The following CEP70 variants were observed in gnomAD, a reference collection of about 807,000 sequenced individuals.
CEP70 encodes the protein centrosomal protein 70.
In CEP70, 70 loss-of-function variants were observed where a neutral mutation model predicts 90.9. The ratio of observed to expected loss-of-function variants is 0.77; its 90% CI spans 0.64 to 0.94. The LOEUF is 0.94. Among genes scored for constraint, CEP70 ranks in the 40% least tolerant of loss-of-function variants. The probability of loss-of-function intolerance (pLI) is 0.00; values close to 1 mark genes in which losing one functional copy is unlikely to be tolerated. For missense variants in CEP70, 648 were observed against 669.0 expected, an observed-to-expected ratio of 0.97 and a Z score of 0.35; for synonymous variants, 220 against 228.3, an observed-to-expected ratio of 0.96 and a Z score of 0.33.
chr3:138,527,266 A>G (rs541706298), intron 10 of CEP70, among the ~76,000 whole-genome samples: 3 of 100,048 alleles, frequency 3.0e-5, no homozygotes, highest in East Asian at 5.0e-4. Context: ...CCTGGGCTCA[A>G]GTGATCTCAC....
chr3:138,535,855 C>T lies in CEP70; in HGVS notation c.635+1323G>A, dbSNP rs141716182. On this transcript the variant is annotated intron_variant, in intron 7 of 17. Coordinates refer to ENST00000264982, the MANE Select transcript of CEP70 (RefSeq NM_024491.4). ...CCTCTCTCCTTTTTGTTCTTCCTTA[C>T]CTCTCCTATTTTTCTTACCTAGCCT... Among the ~76,000 whole-genome samples the T allele has an allele frequency of 2.0e-3, 300 of 152,136 alleles. 3 individuals are homozygous for T. The highest frequency in any genetic ancestry group is 7.0e-3 in the African/African-American group (289 of 41,528).
At position 138,500,501 on chromosome 3, in the gene CEP70, C is replaced by T. The variant is rs150201771; in HGVS notation, c.1435G>A (p.Val479Met). ...GGATAGACTCCATTTAAAGAAGGCACATCAAATAACTTTTGGAAGTGAGAA... is the reference window on the plus strand; with the variant it reads ...GGATAGACTCCATTTAAAGAAGGCATATCAAATAACTTTTGGAAGTGAGAA... ...IVSHFQKLFD[V>M]PSLNGVYPRM... The change falls in exon 15 of 18, where the codon GTG becomes ATG. Residue 479 changes from valine to methionine, a missense_variant. Val to Met is a conservative substitution (Grantham distance 21). Coordinates refer to ENST00000264982, the MANE Select transcript of CEP70 (RefSeq NM_024491.4). 104 of 1,612,636 alleles carry T rather than the reference C, an allele frequency of 6.4e-5. 1 individual carries two copies. The South Asian group carries it at 7.9e-4, about 12-fold the overall frequency.
At chr3:138,553,475 A>G (rs1452013217) in intron 6 of CEP70, among the ~76,000 whole-genome samples, 1 of 147,960 alleles carries the variant, frequency 6.8e-6, no homozygotes, top group African/African-American at 2.4e-5. Flanking sequence ...GAGAGACTCC[A>G]TCTCAAAAAG....
At chr3:138,584,388 G>A (rs2042007584) in intron 2 of CEP70, among the ~76,000 whole-genome samples, 1 of 147,352 alleles carries the variant, frequency 6.8e-6, no homozygotes, top group African/African-American at 2.5e-5. Flanking sequence ...AAGAATGGAA[G>A]AGGAGGGAAT....
At chr3:138,495,839 G>A in intron 17 of CEP70, 1 of 974,438 alleles carries the variant, frequency 1.0e-6, no homozygotes, top group East Asian at 1.1e-4. Context: ...GTGACAGAGA[G>A]CAAGACTATG....
At chr3:138,530,582 G>A (rs1273669125) in intron 8 of CEP70, 1 of 985,342 alleles carries the variant, frequency 1.0e-6, no homozygotes, top group Non-Finnish European at 1.2e-6. Flanking sequence ...TTTTGCCACT[G>A]CGAGAGGCCC....
chr3:138,567,528 A>G (rs979052334), intron 6 of CEP70, among the ~76,000 whole-genome samples: 6 of 152,208 alleles, frequency 3.9e-5, no homozygotes, highest in Admixed American at 3.9e-4. Flanking sequence ...ATAAATCTGT[A>G]TAGAAATTTA....
At chr3:138,543,603 C>T (rs1168493424) in intron 6 of CEP70, among the ~76,000 whole-genome samples, 3 of 152,210 alleles carry the variant, frequency 2.0e-5, no homozygotes, top group Non-Finnish European at 4.4e-5. Flanking sequence ...ACTGGGATCA[C>T]CTGTTCCTAG....
At chr3:138,533,145 G>T (rs913313689) in intron 7 of CEP70, among the ~76,000 whole-genome samples, 8 of 152,074 alleles carry the variant, frequency 5.3e-5, no homozygotes, top group Non-Finnish European at 1.2e-4. Flanking sequence ...GCTGGGCGTC[G>T]TGGCGAGTGC....
chr3:138,586,511 T>G (rs773443), intron 2 of CEP70, among the ~76,000 whole-genome samples: 58,913 of 151,998 alleles, frequency 0.39, 12,521 homozygotes, highest in East Asian at 0.56. Flanking sequence ...AAGAATGAGC[T>G]CCTGTCATTT....
At position 138,561,249 on chromosome 3, in the gene CEP70, G is replaced by A. The variant is rs577337930; in HGVS notation, c.465+9069C>T. 5.9e-5 allele frequency among the ~76,000 whole-genome samples: 9 copies of A among 152,186 alleles called. No homozygotes were observed. In the East Asian group the frequency reaches 1.6e-3, roughly 26 times the overall value. The stretch of plus-strand genomic sequence containing the variant: ...CTCTGCTGGTGATACCCAGGCAAAC[G>A]GGGTCTGGAGTGGGCCTCCAGCAAA... On this transcript the variant is annotated intron_variant, in intron 6 of 17. Coordinates refer to ENST00000264982, the MANE Select transcript of CEP70 (RefSeq NM_024491.4).
chr3:138,547,512 C>T (rs984842022), intron 6 of CEP70, among the ~76,000 whole-genome samples: 1 of 152,160 alleles, frequency 6.6e-6, no homozygotes, highest in Non-Finnish European at 1.5e-5. Flanking sequence ...ATAGAAGATT[C>T]GTTCTCACCA....
chr3:138,518,996 T>C (rs895605796), intron 11 of CEP70, among the ~76,000 whole-genome samples: 1 of 152,088 alleles, frequency 6.6e-6, no homozygotes, highest in African/African-American at 2.4e-5. Context: ...AAGGACCTGA[T>C]GGAGCTGAAA....
chr3:138,585,397 C>G (rs12497070), intron 2 of CEP70, among the ~76,000 whole-genome samples: 68,732 of 151,800 alleles, frequency 0.45, 17,286 homozygotes, highest in Admixed American at 0.6. Context: ...TTGAAGAGGC[C>G]ACAAAAAAAT....
chr3:138,585,433 T>G (rs2042062249), intron 2 of CEP70, among the ~76,000 whole-genome samples: 1 of 152,168 alleles, frequency 6.6e-6, no homozygotes, highest in Admixed American at 6.5e-5. Flanking sequence ...GTTCATAGAT[T>G]GAAACAATCA....
chr3:138,496,337 A>C lies in CEP70; in HGVS notation c.1733-1261T>G, dbSNP rs568532632. The C allele has an allele frequency of 7.1e-6, 7 of 985,462 alleles. No individual in the cohort carries two copies. In the African/African-American group the frequency reaches 1.0e-4, roughly 15 times the overall value. The allele number at this position is 985,462 out of a possible 1,614,324, so 61.0% of individuals were successfully genotyped here. On this transcript the variant is annotated intron_variant, in intron 17 of 17. Coordinates refer to ENST00000264982, the MANE Select transcript of CEP70 (RefSeq NM_024491.4). The stretch of plus-strand genomic sequence containing the variant: ...TTAGTTCTTTTAAGCTCCCGACTTC[A>C]GTCAGAATACTTGTCTGAACCCACT...
chr3:138,591,710 C>T lies in CEP70; in HGVS notation c.-6+144G>A, dbSNP rs374211392. On this transcript the variant is annotated intron_variant, in intron 2 of 17. Transcript: ENST00000264982. ...ACCTCTCTGAGCTTCAGCTTCTTTGCTGAGTTGTAAAATATCTACCTGATA... is the reference window on the plus strand; with the variant it reads ...ACCTCTCTGAGCTTCAGCTTCTTTGTTGAGTTGTAAAATATCTACCTGATA... 5.8e-5 allele frequency: 41 copies of T among 712,240 alleles called. 1 individual carries two copies. In the African/African-American group the frequency reaches 6.9e-4, roughly 12 times the overall value. The allele number at this position is 712,240 out of a possible 1,614,324, so 44.1% of individuals were successfully genotyped here.
intron 11 of CEP70, among the ~76,000 whole-genome samples, chr3:138,517,475 G>A (rs2036143558): frequency 6.6e-6 from 1 of 152,142 alleles, no homozygotes; most frequent in Non-Finnish European, 1.5e-5. Context: ...CCACACAGTG[G>A]CTAACACAGT....
At chr3:138,586,260 C>G (rs149862130) in intron 2 of CEP70, among the ~76,000 whole-genome samples, 3 of 152,050 alleles carry the variant, frequency 2.0e-5, no homozygotes, top group Non-Finnish European at 4.4e-5. Flanking sequence ...CAGGTTCAAG[C>G]GATTCTCCTG....
Sources: allele counts gnomAD v4.1 joint callset (sites outside exome capture counted in the v4.1 genomes callset), GRCh38; gene constraint gnomAD v4.1.1; transcripts MANE v1.5; gene names NCBI Gene and HGNC (gene_info 2026-07-23, HGNC 2026-07-21).